GRM7: variants seen among roughly 807,000 people sequenced by gnomAD.
GRM7 encodes the protein glutamate metabotropic receptor 7.
A neutral mutation model predicts 84.5 loss-of-function variants in GRM7; 35 were observed. The observed-to-expected ratio is 0.41, with a 90% CI of 0.32 to 0.55. GRM7 has a LOEUF of 0.55. GRM7 is among the 20% of genes least tolerant of loss of function. The probability of loss-of-function intolerance (pLI) is 0.19; values close to 1 mark genes in which losing one functional copy is unlikely to be tolerated. For missense variants in GRM7, 1,003 were observed against 1,194.6 expected (o/e 0.84, Z 2.36); for synonymous variants, 487 against 455.1 (o/e 1.07, Z -0.89).
At chr3:7,375,619 C>T (rs1694319837) in intron 4 of GRM7, among the ~76,000 whole-genome samples, 1 of 152,154 alleles carries the variant, frequency 6.6e-6, no homozygotes, top group South Asian at 2.1e-4. Flanking sequence ...TTTCTCACCT[C>T]CATGGGCTTT....
chr3:7,350,707 T>G (rs1041089489), intron 4 of GRM7, among the ~76,000 whole-genome samples: 1 of 152,136 alleles, frequency 6.6e-6, no homozygotes, highest in Non-Finnish European at 1.5e-5. Flanking sequence ...CTTTGGATCT[T>G]TTTTTCTCCT....
At chr3:7,400,105 A>G (rs953201468) in intron 4 of GRM7, among the ~76,000 whole-genome samples, 1 of 152,196 alleles carries the variant, frequency 6.6e-6, no homozygotes, top group Non-Finnish European at 1.5e-5. Flanking sequence ...ATTGTTAAGA[A>G]TATAGGCTTT....
chr3:7,081,810 G>A (rs556954691), intron 1 of GRM7, among the ~76,000 whole-genome samples: 1 of 152,184 alleles, frequency 6.6e-6, no homozygotes, highest in African/African-American at 2.4e-5. Flanking sequence ...ATGTTTGAGT[G>A]GTGTGGATAG....
At chr3:7,106,409 A>G (rs1692643266) in intron 1 of GRM7, among the ~76,000 whole-genome samples, 1 of 151,428 alleles carries the variant, frequency 6.6e-6, no homozygotes. Flanking sequence ...TCCCCCCTAT[A>G]TTGTAATCAC....
At chr3:7,320,549 G>T (rs540399233) in intron 4 of GRM7, among the ~76,000 whole-genome samples, 1 of 151,936 alleles carries the variant, frequency 6.6e-6, no homozygotes, top group African/African-American at 2.4e-5. Flanking sequence ...TTGAGTGAGA[G>T]TTGTATAACA....
chr3:6,890,172 C>T (rs1695875649), intron 1 of GRM7, among the ~76,000 whole-genome samples: 1 of 152,014 alleles, frequency 6.6e-6, no homozygotes, highest in Admixed American at 6.6e-5. Context: ...TTGATCCTTT[C>T]AAAAAACCAG....
At chr3:7,686,935 C>G (rs929650402) in intron 9 of GRM7, among the ~76,000 whole-genome samples, 2 of 152,118 alleles carry the variant, frequency 1.3e-5, no homozygotes, top group Admixed American at 1.3e-4. Context: ...AAAAAAGTAT[C>G]CATTGAAATA....
At chr3:7,679,449 C>G (rs1700269444) in intron 8 of GRM7, among the ~76,000 whole-genome samples, 1 of 151,276 alleles carries the variant, frequency 6.6e-6, no homozygotes, top group Admixed American at 6.6e-5. Flanking sequence ...GTAGACAAGC[C>G]AACATCACTA....
intron 1 of GRM7, among the ~76,000 whole-genome samples, chr3:7,037,334 G>T (rs536650807): frequency 4.4e-4 from 67 of 152,278 alleles, no homozygotes; most frequent in African/African-American, 1.4e-3. Flanking sequence ...AGTTAGGAAA[G>T]AATCAGGATG....
intron 1 of GRM7, among the ~76,000 whole-genome samples, chr3:7,041,857 C>A (rs9820568): frequency 0.059 from 9,036 of 152,254 alleles, 372 homozygotes; most frequent in East Asian, 0.19. Context: ...CCCTTCTGCT[C>A]GCCTCTAAGG....
intron 8 of GRM7, among the ~76,000 whole-genome samples, chr3:7,657,817 T>C (rs961574950): frequency 6.6e-6 from 1 of 152,174 alleles, no homozygotes; most frequent in African/African-American, 2.4e-5. Context: ...ATGTGACCTT[T>C]AGCTGGCTTT....
rs564821761 is a variant in GRM7, at chr3:7,018,895, G to A, written c.520-127557G>A. Reference sequence around the variant, plus strand: ...GTGGATCATTTGAGGTTAGGAGTTCGAGACCAGCCTGGCCAGCATGGTGAA... The same window carrying A: ...GTGGATCATTTGAGGTTAGGAGTTCAAGACCAGCCTGGCCAGCATGGTGAA... On this transcript the variant is annotated intron_variant, in intron 1 of 9. Transcript: ENST00000357716. 1.7e-4 allele frequency among the ~76,000 whole-genome samples: 26 copies of A among 152,256 alleles called. 1 individual carries two copies. Among genetic ancestry groups the A allele is most frequent in the East Asian group, 9.7e-4 (5 of 5,174 alleles).
At chr3:6,940,987 T>C (rs1332588255) in intron 1 of GRM7, among the ~76,000 whole-genome samples, 1 of 152,154 alleles carries the variant, frequency 6.6e-6, no homozygotes, top group Non-Finnish European at 1.5e-5. Context: ...AACCCATGGG[T>C]GGAGATGTTG....
intron 1 of GRM7, among the ~76,000 whole-genome samples, chr3:7,118,505 T>G (rs1396786342): frequency 2.0e-5 from 3 of 149,334 alleles, no homozygotes; most frequent in African/African-American, 7.4e-5. Context: ...TGAACTTTCC[T>G]CTAAAAAAAA....
intron 7 of GRM7, among the ~76,000 whole-genome samples, chr3:7,576,252 G>T (rs1213645229): frequency 6.6e-6 from 1 of 152,226 alleles, no homozygotes; most frequent in Non-Finnish European, 1.5e-5. Flanking sequence ...TTATGACTCT[G>T]GGATGGCTTC....
chr3:7,434,838 A>T (rs1696977894), intron 5 of GRM7, among the ~76,000 whole-genome samples: 1 of 152,090 alleles, frequency 6.6e-6, no homozygotes, highest in African/African-American at 2.4e-5. Flanking sequence ...CACCTCTTCT[A>T]CTCTCTGAAA....
rs529418605 is a variant in GRM7, at chr3:7,402,882, C to A, written c.1034-12141C>A. On this transcript the variant is annotated intron_variant, in intron 4 of 9. Coordinates refer to ENST00000357716, the MANE Select transcript of GRM7 (RefSeq NM_000844.4). The stretch of plus-strand genomic sequence containing the variant: ...AGTCTTTCCTTCAAAAGGTTGCTTT[C>A]TTTTCCCCTCAATCATTAGGTGGTG... Among the ~76,000 whole-genome samples, 1,191 of 148,422 alleles carry A rather than the reference C, an allele frequency of 8.0e-3. 14 individuals are homozygous for A. The highest frequency in any genetic ancestry group is 0.013 in the Non-Finnish European group (879 of 67,226).
intron 6 of GRM7, among the ~76,000 whole-genome samples, 194 bp from the exon 7 acceptor site, chr3:7,461,389 C>T (rs1360723920): frequency 6.6e-6 from 1 of 151,982 alleles, no homozygotes; most frequent in African/African-American, 2.4e-5. Context: ...CTTCCACCTT[C>T]TATAATTAAA....
rs59364423 is a variant in GRM7, at chr3:6,865,753, A to AT, written c.519+3855dup. 4.0e-3 allele frequency among the ~76,000 whole-genome samples: 602 copies of AT among 151,752 alleles called. 4 individuals carry two copies. Among genetic ancestry groups the AT allele is most frequent in the African/African-American group, 0.012 (514 of 41,376 alleles). ...TAATATTTTATACAGAAATACCTAG[A>AT]TTTTTTTTTCTTTTCTCTCTCTCCA... On this transcript the variant is annotated intron_variant, in intron 1 of 9. Coordinates refer to ENST00000357716, the MANE Select transcript of GRM7 (RefSeq NM_000844.4).
Sources: allele counts gnomAD v4.1 joint callset (sites outside exome capture counted in the v4.1 genomes callset), GRCh38; gene constraint gnomAD v4.1.1; transcripts MANE v1.5; gene names NCBI Gene and HGNC (gene_info 2026-07-23, HGNC 2026-07-21).